ROBO2: variants seen among roughly 807,000 people sequenced by gnomAD.
ROBO2 encodes the protein roundabout homolog 2.
Under a neutral mutation model 160.8 loss-of-function variants are expected in ROBO2, and 53 were observed. The ratio of observed to expected loss-of-function variants is 0.33; its 90% CI spans 0.26 to 0.41. The LOEUF is 0.41. Ranked by LOEUF, ROBO2 falls within the 10% of genes least tolerant of loss-of-function variation. The probability of loss-of-function intolerance (pLI) is 1.00; values close to 1 mark genes in which losing one functional copy is unlikely to be tolerated. For missense variants in ROBO2, 1,577 were observed against 1,722.4 expected, an observed-to-expected ratio of 0.92 and a Z score of 1.49; for synonymous variants, 664 against 611.7, an observed-to-expected ratio of 1.09 and a Z score of -1.26.
At chr3:76,936,899 T>C (rs2077737649) in intron 2 of ROBO2, among the ~76,000 whole-genome samples, 1 of 151,918 alleles carries the variant, frequency 6.6e-6, no homozygotes, top group Non-Finnish European at 1.5e-5. Flanking sequence ...CTGAACTGGT[T>C]GTTGGAAACA....
At chr3:76,865,382 C>A (rs1454273133) in intron 2 of ROBO2, among the ~76,000 whole-genome samples, 2 of 147,864 alleles carry the variant, frequency 1.4e-5, no homozygotes, top group Non-Finnish European at 3.0e-5. Flanking sequence ...AAATAACTGT[C>A]CTATGGCTAT....
rs2092027900 is a variant in ROBO2, at chr3:76,666,016, TTA to T, written c.110-431992_110-431991del. Among the ~76,000 whole-genome samples, 4 of 122,124 alleles carry T rather than the reference TTA, an allele frequency of 3.3e-5. No homozygotes were observed. In the Admixed American group the frequency reaches 3.4e-4, roughly 10 times the overall value. The allele number at this position is 122,124 out of a possible 152,430, so 80.1% of individuals were successfully genotyped here. ...ATATATAATATATAATATATACATA[TTA>T]TATATTATATATATTATATATATAC... On this transcript the variant is annotated intron_variant, in intron 2 of 26. Coordinates refer to the ROBO2 transcript ENST00000487694.
intron 16 of ROBO2, among the ~76,000 whole-genome samples, 200 bp downstream of exon 17, chr3:77,580,318 G>A (rs940131616): frequency 6.6e-6 from 1 of 152,074 alleles, no homozygotes; most frequent in Non-Finnish European, 1.5e-5. Context: ...AAGTCCCAGA[G>A]CCTTATTAAA....
rs145938918 is a variant in ROBO2 at position 76,672,822 on chromosome 3, A to G, written c.110-425192A>G. On this transcript the variant is annotated intron_variant, in intron 2 of 26. Coordinates refer to the ROBO2 transcript ENST00000487694. ...TGATTGTTTAAAGCCAGCTACTTCT[A>G]TGTATAACATGAAAAGTATTGCAAA... Among the ~76,000 whole-genome samples the G allele has an allele frequency of 3.8e-3, 584 of 152,298 alleles. 4 individuals carry two copies. The highest frequency in any genetic ancestry group is 0.013 in the African/African-American group (556 of 41,576).
At chr3:76,259,855 A>G (rs1706632613) in intron 2 of ROBO2, among the ~76,000 whole-genome samples, 2 of 152,126 alleles carry the variant, frequency 1.3e-5, no homozygotes, top group Non-Finnish European at 2.9e-5. Context: ...AAACCTGGGT[A>G]ATAACATCCC....
chr3:76,558,448 A>T (rs1323406961), intron 2 of ROBO2, among the ~76,000 whole-genome samples: 2 of 152,120 alleles, frequency 1.3e-5, no homozygotes, highest in African/African-American at 4.8e-5. Flanking sequence ...CCAGTTTTGA[A>T]TATTTTATAT....
chr3:77,322,852 A>C (rs1581055214), intron 2 of ROBO2, among the ~76,000 whole-genome samples: 1 of 110,354 alleles, frequency 9.1e-6, no homozygotes, highest in East Asian at 2.6e-4. Flanking sequence ...ATTATATTAT[A>C]CATATGTATT....
At chr3:76,038,506 T>A (rs2067184439) in intron 2 of ROBO2, among the ~76,000 whole-genome samples, 1 of 151,854 alleles carries the variant, frequency 6.6e-6, no homozygotes, top group Non-Finnish European at 1.5e-5. Context: ...CCATGACTGA[T>A]CAATATAGGG....
chr3:76,299,450 G>T (rs1296209745), intron 2 of ROBO2, among the ~76,000 whole-genome samples: 1 of 152,110 alleles, frequency 6.6e-6, no homozygotes, highest in Admixed American at 6.6e-5. Context: ...CAGTATGGCT[G>T]GCACAGAGAA....
In ROBO2 at chr3:76,326,865, C is replaced by T. The variant is rs181030795; in HGVS notation, c.109+389263C>T. ...ATTCCCACCTATGAGTGAGAATATG[C>T]GGTGTTTGGTTTTTTGTTCTTGCGA... On this transcript the variant is annotated intron_variant, in intron 2 of 26. Coordinates refer to the ROBO2 transcript ENST00000487694. Among the ~76,000 whole-genome samples the T allele has an allele frequency of 7.2e-3, 1,050 of 146,748 alleles. 13 individuals carry two copies. The highest frequency in any genetic ancestry group is 0.024 in the African/African-American group (960 of 39,720).
intron 2 of ROBO2, among the ~76,000 whole-genome samples, chr3:76,834,062 T>TTTTCTTCCTTTC (rs1553651250): frequency 6.8e-5 from 6 of 88,012 alleles, no homozygotes; most frequent in Non-Finnish European, 8.8e-5. Context: ...CCTTTCTTTC[T>TTTTCTTCCTTTC]TTTCTTTCTT....
intron 2 of ROBO2, among the ~76,000 whole-genome samples, chr3:76,491,231 G>T (rs1337969194): frequency 6.6e-6 from 1 of 152,036 alleles, no homozygotes; most frequent in East Asian, 1.9e-4. Context: ...TTGCAGGCAT[G>T]AGCCAGGGCG....
chr3:76,475,866 G>A (rs1045990819), intron 2 of ROBO2, among the ~76,000 whole-genome samples: 1 of 152,102 alleles, frequency 6.6e-6, no homozygotes, highest in Non-Finnish European at 1.5e-5. Flanking sequence ...TGTCAACTTT[G>A]CCTTGGCCAG....
At chr3:77,039,268 T>A (rs1355183180), upstream of ROBO2, among the ~76,000 whole-genome samples, 1 of 152,194 alleles carries the variant, frequency 6.6e-6, no homozygotes, top group African/African-American at 2.4e-5. Context: ...TGCTTCTATT[T>A]CCTTTCCTTT....
intron 2 of ROBO2, among the ~76,000 whole-genome samples, chr3:76,543,328 A>C (rs543944388): frequency 4.4e-4 from 67 of 152,112 alleles, no homozygotes; most frequent in Non-Finnish European, 1.5e-4. Flanking sequence ...TGGGACTCTA[A>C]TCCAATAAGC....
intron 2 of ROBO2, among the ~76,000 whole-genome samples, chr3:76,812,412 C>A (rs77007156): frequency 6.8e-6 from 1 of 146,680 alleles, no homozygotes; most frequent in Non-Finnish European, 1.5e-5. Flanking sequence ...AGTATTTGAG[C>A]ATCGCAGCCC....
chr3:77,149,257 A>G (rs2077365531), intron 2 of ROBO2, among the ~76,000 whole-genome samples: 1 of 151,880 alleles, frequency 6.6e-6, no homozygotes, highest in Non-Finnish European at 1.5e-5. Context: ...GGCTGGTCTT[A>G]AACTCCTGAC....
chr3:75,990,331 G>C (rs182003590), intron 2 of ROBO2, among the ~76,000 whole-genome samples: 2 of 152,264 alleles, frequency 1.3e-5, no homozygotes, highest in East Asian at 3.9e-4. Flanking sequence ...GAAAGAATTT[G>C]TTTTAGGTCA....
chr3:77,313,244 T>C (rs1194989473), intron 2 of ROBO2, among the ~76,000 whole-genome samples: 2 of 152,232 alleles, frequency 1.3e-5, no homozygotes, highest in Admixed American at 6.5e-5. Flanking sequence ...AATTTTTTAA[T>C]TGATACATAA....
Sources: gnomAD v4.1 joint callset for allele counts (sites outside exome capture counted in the v4.1 genomes callset) on GRCh38, gnomAD v4.1.1 for gene constraint, MANE v1.5 for transcripts, NCBI Gene and HGNC (gene_info 2026-07-23, HGNC 2026-07-21) for gene names.